LDB2: variants seen among roughly 807,000 people sequenced by gnomAD.
LDB2 encodes the protein LIM domain-binding protein 2.
LDB2 carries 12 observed loss-of-function variants against 44.3 expected under a neutral mutation model. That is an observed-to-expected ratio of 0.27 (90% CI 0.17 to 0.44). LDB2 has a LOEUF of 0.44. LDB2 is among the 20% of genes least tolerant of loss of function. The pLI is 1.00. For synonymous variants in LDB2, 164 were observed against 174.8 expected (o/e 0.94, Z 0.49); for missense variants, 344 against 473.5 (o/e 0.73, Z 2.54).
At position 16,533,636 on chromosome 4, in the gene LDB2, C is replaced by T. The variant is rs1730837690; in HGVS notation, c.616-21532G>A. Among the ~76,000 whole-genome samples, 1 of 152,204 alleles carries T rather than the reference C, an allele frequency of 6.6e-6. No homozygotes were observed. Among genetic ancestry groups the T allele is most frequent in the African/African-American group, 2.4e-5 (1 of 41,456 alleles). On this transcript the variant is annotated intron_variant, in intron 5 of 7. Coordinates refer to ENST00000304523, the MANE Select transcript of LDB2 (RefSeq NM_001290.5). This position sits in a 1 kb window ranked among gnomAD's most constrained non-coding sequence, Gnocchi z 4.1. ...AGACTGTGACAGAGAAGGGCAGCTC[C>T]TTCACCATATCCCTAACGTTACCAG...
intron 2 of LDB2, among the ~76,000 whole-genome samples, chr4:16,720,106 A>G (rs1389139133): frequency 6.6e-6 from 1 of 152,088 alleles, no homozygotes; most frequent in Admixed American, 6.6e-5. Flanking sequence ...GCCTGATGTG[A>G]TGGTTGATTT....
At chr4:16,734,944 G>A (rs1362435563) in intron 2 of LDB2, among the ~76,000 whole-genome samples, 1 of 151,932 alleles carries the variant, frequency 6.6e-6, no homozygotes, top group Non-Finnish European at 1.5e-5. Flanking sequence ...CCTGACCTCA[G>A]GTGATCCACC....
chr4:16,834,515 T>C (rs1784575933), intron 1 of LDB2, among the ~76,000 whole-genome samples: 1 of 152,048 alleles, frequency 6.6e-6, no homozygotes, highest in Admixed American at 6.5e-5. Context: ...ACGTGACTCC[T>C]ATAGGTGCAA....
chr4:16,716,613 A>G (rs552642489), intron 2 of LDB2, among the ~76,000 whole-genome samples: 2 of 152,174 alleles, frequency 1.3e-5, no homozygotes, highest in African/African-American at 4.8e-5. Flanking sequence ...CTTTTCCTCA[A>G]ATGAAATTTT....
intron 6 of LDB2, among the ~76,000 whole-genome samples, chr4:16,508,936 A>G (rs1461407448): frequency 6.6e-6 from 1 of 152,106 alleles, no homozygotes; most frequent in Admixed American, 6.5e-5. Context: ...CTCTAATGGT[A>G]TGTATTTAAT....
At chr4:16,782,433 C>A (rs1477189392) in intron 1 of LDB2, among the ~76,000 whole-genome samples, 1 of 151,936 alleles carries the variant, frequency 6.6e-6, no homozygotes. Context: ...TCACTAAAAC[C>A]TCCACCTCCC....
chr4:16,711,229 A>C (rs1755800919), intron 2 of LDB2, among the ~76,000 whole-genome samples: 2 of 152,208 alleles, frequency 1.3e-5, no homozygotes, highest in Admixed American at 1.3e-4. Flanking sequence ...TAACCAGTTT[A>C]AAAAGAAGAG....
chr4:16,639,320 A>T (rs1578396257), intron 2 of LDB2, among the ~76,000 whole-genome samples: 1 of 152,238 alleles, frequency 6.6e-6, no homozygotes, highest in East Asian at 1.9e-4. Context: ...CATGGGCGTG[A>T]CTTGGCTTCA....
At chr4:16,829,052 C>T (rs1783578639) in intron 1 of LDB2, among the ~76,000 whole-genome samples, 1 of 152,164 alleles carries the variant, frequency 6.6e-6, no homozygotes, top group African/African-American at 2.4e-5. Flanking sequence ...CACTTACATG[C>T]CCTACCCACT....
At chr4:16,770,767 A>G (rs1028145425) in intron 1 of LDB2, among the ~76,000 whole-genome samples, 3 of 152,170 alleles carry the variant, frequency 2.0e-5, no homozygotes, top group South Asian at 2.1e-4. Context: ...ATACTCAAAC[A>G]TGGAGACATG....
At chr4:16,718,293 T>C (rs754324890) in intron 2 of LDB2, among the ~76,000 whole-genome samples, 8 of 152,080 alleles carry the variant, frequency 5.3e-5, no homozygotes, top group African/African-American at 1.9e-4. Context: ...TATATAATTA[T>C]ATATGTAACC....
chr4:16,836,001 G>A (rs1270481858), intron 1 of LDB2, among the ~76,000 whole-genome samples: 1 of 152,184 alleles, frequency 6.6e-6, no homozygotes, highest in Admixed American at 6.5e-5. Context: ...TTTCTTTGGT[G>A]TAAATACTGC....
At chr4:16,691,307 T>C (rs1041738153) in intron 2 of LDB2, among the ~76,000 whole-genome samples, 1 of 152,168 alleles carries the variant, frequency 6.6e-6, no homozygotes, top group Non-Finnish European at 1.5e-5. Context: ...GAGCTTACCA[T>C]GTTCATGGAA....
At chr4:16,563,429 ATTTTTTTTTTTTTTTTTT>A (rs1169491759) in intron 5 of LDB2, among the ~76,000 whole-genome samples, 668 of 46,554 alleles carry the variant, frequency 0.014, 8 homozygotes, top group Admixed American at 0.024. Context: ...CAGTCATCAG[ATTTTTTTTTTTTTTTTTT>A]TTTTTTTTTT....
At chr4:16,758,431 T>A (rs898401457) in intron 2 of LDB2, among the ~76,000 whole-genome samples, 42 of 152,178 alleles carry the variant, frequency 2.8e-4, no homozygotes, top group Non-Finnish European at 5.1e-4. Flanking sequence ...TGAAAACACA[T>A]CTCTCTCTGA....
At chr4:16,509,569 T>A (rs2152224294) in intron 6 of LDB2, among the ~76,000 whole-genome samples, 1 of 152,338 alleles carries the variant, frequency 6.6e-6, no homozygotes, top group South Asian at 2.1e-4. Context: ...GTAATGCTTG[T>A]CACTATTCTT....
chr4:16,653,575 C>T (rs960876152), intron 2 of LDB2, among the ~76,000 whole-genome samples: 2 of 152,168 alleles, frequency 1.3e-5, no homozygotes, highest in African/African-American at 4.8e-5. Flanking sequence ...CCACTCTTCT[C>T]CAAAGTGTTT....
At chr4:16,520,898 C>T (rs1039556680) in intron 5 of LDB2, among the ~76,000 whole-genome samples, 4 of 152,190 alleles carry the variant, frequency 2.6e-5, no homozygotes, top group Admixed American at 6.5e-5. Context: ...TGTTCTTTAC[C>T]TCTGATTCTA....
At chr4:16,599,711 A>G (rs1722037720) in intron 2 of LDB2, among the ~76,000 whole-genome samples, 1 of 152,248 alleles carries the variant, frequency 6.6e-6, no homozygotes, top group African/African-American at 2.4e-5. Context: ...TGAATGGGAC[A>G]GACAGCCAGA....
Sources: gnomAD v4.1 joint callset for allele counts (sites outside exome capture counted in the v4.1 genomes callset) on GRCh38, gnomAD v4.1.1 for gene constraint, Gnocchi (gnomAD v3.1) non-coding constraint, MANE v1.5 for transcripts, NCBI Gene and HGNC (gene_info 2026-07-23, HGNC 2026-07-21) for gene names.